Variants in ERBB2 observed in about 807,000 individuals in gnomAD.
ERBB2 encodes erb-b2 receptor tyrosine kinase 2.
Under a neutral mutation model 149.0 loss-of-function variants are expected in ERBB2, and 61 were observed. The ratio of observed to expected loss-of-function variants is 0.41; its 90% CI spans 0.33 to 0.51. The LOEUF (loss-of-function observed/expected upper bound fraction) is 0.51. Ranked by LOEUF, ERBB2 falls within the 20% of genes least tolerant of loss-of-function variation. ERBB2 has a pLI of 0.25. For synonymous variants in ERBB2, 633 were observed against 678.8 expected (o/e 0.93, Z 1.05); for missense variants, 1,205 against 1,655.1 (o/e 0.73, Z 4.72).
chr17:39,689,644 G>A (rs766501337), intron 2 of ERBB2, among the ~76,000 whole-genome samples: 3 of 152,058 alleles, frequency 2.0e-5, no homozygotes, highest in South Asian at 2.1e-4. Flanking sequence ...GGTGGCTCAC[G>A]CCTGTAATCC....
In ERBB2 at chr17:39,725,425, A is replaced by C; in HGVS notation, c.2725+23A>C. The C allele has an allele frequency of 6.5e-5, 59 of 901,866 alleles. No homozygotes were observed. The highest frequency in any genetic ancestry group is 2.4e-4 in the Middle Eastern group (1 of 4,158). The allele number at this position is 901,866 out of a possible 1,614,324, so 55.9% of individuals were successfully genotyped here. A position where few individuals can be genotyped will look rare whatever the true frequency, so the allele number is the denominator to read the frequency against. On this transcript the variant is annotated intron_variant, in intron 22 of 26. Transcript: ENST00000269571. The surrounding 1 kb of genome is among the most constrained non-coding windows in gnomAD (Gnocchi z 4.6). ...ATGGTGTGTGATGGGGGGTGTTGGG[A>C]GGGGTGGGTGAGGAGCCATGGCTGG...
At chr17:39,694,727 C>T (rs1206326465), upstream of ERBB2, 1 of 152,144 alleles carries the variant, frequency 6.6e-6, no homozygotes, top group Non-Finnish European at 1.5e-5. Context: ...GGCAAGAATG[C>T]CCTCATTCAT....
chr17:39,708,648 G>C, intron 3 of ERBB2, 114 bp downstream of exon 3: 2 of 777,106 alleles, frequency 2.6e-6, no homozygotes, highest in Non-Finnish European at 2.1e-6. Flanking sequence ...CTGGGCAGAC[G>C]CAGGCAGAGC....
upstream of ERBB2, among the ~76,000 whole-genome samples, chr17:39,691,554 A>AT (rs1426502195): frequency 4.5e-4 from 52 of 114,474 alleles, 3 homozygotes; most frequent in Middle Eastern, 4.3e-3. Flanking sequence ...ATTAAAAAAA[A>AT]AAATATATAT....
chr17:39,699,500 C>T (rs190207253), upstream of ERBB2: 2,242 of 1,507,364 alleles, frequency 1.5e-3, 46 homozygotes, highest in Non-Finnish European at 3.2e-4. Context: ...CTGTCTCCTC[C>T]CAAATTTGTA....
At chr17:39,700,592 A>G (rs1156785381) in intron 1 of ERBB2, among the ~76,000 whole-genome samples, 2 of 152,218 alleles carry the variant, frequency 1.3e-5, no homozygotes, top group Non-Finnish European at 2.9e-5. Context: ...GAAATTGTTC[A>G]GAAAGTTTTC....
upstream of ERBB2, among the ~76,000 whole-genome samples, chr17:39,698,360 C>T (rs928112855): frequency 2.5e-4 from 38 of 151,312 alleles, no homozygotes; most frequent in Non-Finnish European, 5.2e-4. Flanking sequence ...CCCAGGTTCA[C>T]GCCATTCTCC....
chr17:39,693,114 C>G (rs576759858), upstream of ERBB2: 4 of 152,298 alleles, frequency 2.6e-5, no homozygotes, highest in East Asian at 7.7e-4. Flanking sequence ...CATGCAGTAG[C>G]AAGCATCGAG....
Position 39,725,369 on chromosome 17 carries a change from C to T in ERBB2, c.2692C>T (p.Arg898Trp), listed in dbSNP as rs1432453269. Reference protein sequence around the residue: ...WMALESILRRRFTHQSDVWSY... With the variant: ...WMALESILRRWFTHQSDVWSY... The stretch of plus-strand genomic sequence containing the variant: ...GGCGCTGGAGTCCATTCTCCGCCGG[C>T]GGTTCACCCACCAGAGTGATGTGTG... The change falls in exon 22 of 27, where the codon CGG becomes TGG. Residue 898 changes from arginine (R) to tryptophan (W), a missense_variant. Transcript: ENST00000269571. This position sits in a 1 kb window ranked among gnomAD's most constrained non-coding sequence, Gnocchi z 4.6. The T allele has an allele frequency of 1.9e-6, 3 of 1,609,790 alleles. No homozygotes were observed. The highest frequency in any genetic ancestry group is 2.5e-6 in the Non-Finnish European group (3 of 1,178,176).
upstream of ERBB2, among the ~76,000 whole-genome samples, chr17:39,691,308 C>A (rs945358490): frequency 4.0e-5 from 6 of 151,722 alleles, no homozygotes; most frequent in African/African-American, 1.5e-4. Flanking sequence ...CTGTGGGAGG[C>A]CAAGGCAGGC....
upstream of ERBB2, among the ~76,000 whole-genome samples, chr17:39,695,757 A>ACACACACACACG (rs1197572966): frequency 7.0e-6 from 1 of 142,470 alleles, no homozygotes; most frequent in Admixed American, 6.9e-5. Flanking sequence ...ACACACACAC[A>ACACACACACACG]CGTCTCCTGT....
Position 39,709,893 on chromosome 17 carries a change from G to A in ERBB2, c.643+12G>A, listed in dbSNP as rs2145493544. 1 of 1,612,982 alleles carries A rather than the reference G, an allele frequency of 6.2e-7. No individual in the cohort carries two copies. The highest frequency in any genetic ancestry group is 8.5e-7 in the Non-Finnish European group (1 of 1,179,602). On this transcript the variant is annotated intron_variant, in intron 5 of 26. Transcript: ENST00000269571. Reference sequence around the variant, plus strand: ...GGATTGTCAGAGCCGTGAGTCTCAGGGAGGCCTGGAGTCAGGGAAGGGGAG... The same window carrying A: ...GGATTGTCAGAGCCGTGAGTCTCAGAGAGGCCTGGAGTCAGGGAAGGGGAG...
chr17:39,709,999 G>T (rs1226518938), intron 5 of ERBB2, 87 bp from the exon 6 acceptor site: 1 of 1,493,578 alleles, frequency 6.7e-7, no homozygotes, highest in Non-Finnish European at 9.3e-7. Context: ...TCTCCCCTGG[G>T]CCAGGTAGTC....
At chr17:39,712,186 C>T (rs1009106166) in intron 8 of ERBB2, 136 bp from the exon 9 acceptor site, 2 of 1,519,310 alleles carry the variant, frequency 1.3e-6, no homozygotes, top group Middle Eastern at 1.7e-4. Context: ...CCCCTGGCCC[C>T]CCTCAGCCCT....
At chr17:39,718,257 C>G (rs1567907937) in intron 15 of ERBB2, among the ~76,000 whole-genome samples, 1 of 152,070 alleles carries the variant, frequency 6.6e-6, no homozygotes, top group Non-Finnish European at 1.5e-5. Context: ...ATTTAGTTGT[C>G]TTTACACATG....
chr17:39,690,479 A>G (rs2057671415), upstream of ERBB2, among the ~76,000 whole-genome samples: 1 of 152,212 alleles, frequency 6.6e-6, no homozygotes, highest in Admixed American at 6.5e-5. Flanking sequence ...TTGAAAACCC[A>G]TGCCTACATA....
At chr17:39,721,931 AT>A (rs1424116223) in intron 16 of ERBB2, among the ~76,000 whole-genome samples, 1 of 151,594 alleles carries the variant, frequency 6.6e-6, no homozygotes, top group Non-Finnish European at 1.5e-5. Context: ...TTTATTATTT[AT>A]TTTGAGATGT....
intron 2 of ERBB2, among the ~76,000 whole-genome samples, chr17:39,689,676 C>CG (rs774255866): frequency 6.6e-4 from 100 of 152,072 alleles, no homozygotes; most frequent in Non-Finnish European, 1.1e-3. Context: ...GAGGCCGAGG[C>CG]GGACGGATCA....
At position 39,727,685 on chromosome 17, in the gene ERBB2, T is replaced by C. The variant is rs780890182; in HGVS notation, c.3413-4T>C. 11 of 1,545,942 alleles carry C rather than the reference T, an allele frequency of 7.1e-6. No homozygotes were observed. The highest frequency in any genetic ancestry group is 1.4e-5 in the African/African-American group (1 of 72,568). On this transcript the variant is annotated splice_region_variant and splice_polypyrimidine_tract_variant and intron_variant, in intron 26 of 26. Transcript: ENST00000269571. This position sits in a 1 kb window ranked among gnomAD's most constrained non-coding sequence, Gnocchi z 4.3. The stretch of plus-strand genomic sequence containing the variant: ...TAATGGGTCACCTTCTCTTGACCTT[T>C]CAGAATATGTGAACCAGCCAGATGT...
Sources: gnomAD v4.1 joint callset for allele counts (sites outside exome capture counted in the v4.1 genomes callset) on GRCh38, gnomAD v4.1.1 for gene constraint, Gnocchi (gnomAD v3.1) non-coding constraint, MANE v1.5 for transcripts, NCBI Gene and HGNC (gene_info 2026-07-23, HGNC 2026-07-21) for gene names.